Variants in PLAC1 observed in about 807,000 individuals in gnomAD.
The protein encoded by PLAC1 is placenta associated 1.
For synonymous variants in PLAC1, 68 were observed against 62.1 expected (o/e 1.09, Z -0.44); for missense variants, 136 against 163.2 (o/e 0.83, Z 0.91).
At chrX:134,695,488 C>T (rs190744588) in intron 2 of PLAC1, among the ~76,000 whole-genome samples, 1 of 111,787 alleles carries the variant, frequency 8.9e-6, no homozygotes, top group Admixed American at 9.5e-5. Flanking sequence ...AAGACAAAGA[C>T]CAGGAACTCA....
chrX:134,675,653 G>A (rs1303652532), intron 2 of PLAC1, among the ~76,000 whole-genome samples: 15 of 104,162 alleles, frequency 1.4e-4, no homozygotes, highest in Non-Finnish European at 2.0e-4. Flanking sequence ...CAACAAGAGC[G>A]AAACTCCATC....
intron 1 of PLAC1, among the ~76,000 whole-genome samples, chrX:134,643,557 C>T (rs878856329): frequency 9.0e-6 from 1 of 111,524 alleles, no homozygotes; most frequent in Admixed American, 9.5e-5. Context: ...TAGGGTTTAT[C>T]TCAGAAATTC....
intron 1 of PLAC1, among the ~76,000 whole-genome samples, chrX:134,625,959 C>G (rs1232179139): frequency 9.0e-6 from 1 of 111,213 alleles, no homozygotes; most frequent in Non-Finnish European, 1.9e-5. Flanking sequence ...AACTTTCAGG[C>G]TGGTCTCTGG....
rs1249444423 is a variant in PLAC1, at chrX:134,710,056, G to A, written n.174+23379C>T. Among the ~76,000 whole-genome samples, 20 of 111,125 alleles carry A rather than the reference G, an allele frequency of 1.8e-4. No homozygotes were observed. The Admixed American group carries it at 1.9e-3, about 11-fold the overall frequency. ...TAAAGTTAAAGATAAGCCATATAGT[G>A]GGAGAAGACACTTGCCACACATGTA... On this transcript the variant is annotated intron_variant and non_coding_transcript_variant, in intron 2 of 2. Coordinates refer to the PLAC1 transcript ENST00000466797.
chrX:134,660,200 G>A (rs1030886787), upstream of PLAC1, among the ~76,000 whole-genome samples: 6 of 110,211 alleles, frequency 5.4e-5, no homozygotes. Context: ...CGCCTCCTGG[G>A]TTCAAGCGAT....
chrX:134,589,931 C>G, intron 2 of PLAC1, among the ~76,000 whole-genome samples: 1 of 111,097 alleles, frequency 9.0e-6, no homozygotes, highest in Non-Finnish European at 1.9e-5. Context: ...CGCGGTGGCT[C>G]ACGCCTGTAA....
chrX:134,754,885 T>G (rs1399447107), intron 1 of PLAC1, among the ~76,000 whole-genome samples: 1 of 107,058 alleles, frequency 9.3e-6, no homozygotes, highest in Non-Finnish European at 1.9e-5. Context: ...AATGAAACGG[T>G]AGGAAGCAGT....
chrX:134,678,853 T>C (rs1178213820), intron 2 of PLAC1, among the ~76,000 whole-genome samples: 2 of 103,252 alleles, frequency 1.9e-5, no homozygotes, highest in Non-Finnish European at 3.9e-5. Flanking sequence ...ATTATATAGG[T>C]GGCCTCTAAG....
chrX:134,657,734 G>C (rs756310131), intron 1 of PLAC1, among the ~76,000 whole-genome samples: 2 of 111,003 alleles, frequency 1.8e-5, no homozygotes, highest in South Asian at 8.1e-4. Flanking sequence ...TCATGGGAGA[G>C]AATGAGACAA....
chrX:134,684,335 C>CAGG (rs2078508259), intron 2 of PLAC1, among the ~76,000 whole-genome samples: 1 of 106,043 alleles, frequency 9.4e-6, no homozygotes, highest in Admixed American at 1.1e-4. Flanking sequence ...TGGCATCATT[C>CAGG]AGGAAGGAAG....
intron 2 of PLAC1, among the ~76,000 whole-genome samples, chrX:134,691,407 AG>A (rs1487977569): frequency 1.8e-5 from 2 of 111,162 alleles, no homozygotes; most frequent in African/African-American, 6.5e-5. Context: ...AATTCAAGCC[AG>A]GTGTGCTCTG....
At chrX:134,594,616 T>C (rs2078053996) in intron 2 of PLAC1, among the ~76,000 whole-genome samples, 1 of 111,246 alleles carries the variant, frequency 9.0e-6, no homozygotes, top group Admixed American at 9.6e-5. Flanking sequence ...TGTGGTAGTT[T>C]GTGTTTTTCA....
chrX:134,606,217 G>A (rs6654282), intron 1 of PLAC1: 22,977 of 107,317 alleles, frequency 0.21, 2,208 homozygotes, highest in African/African-American at 0.32. Context: ...ACTCCAGCCC[G>A]GGTGACAGAG....
chrX:134,706,993 G>A (rs1488467612), intron 2 of PLAC1, among the ~76,000 whole-genome samples: 1 of 112,112 alleles, frequency 8.9e-6, no homozygotes, highest in Non-Finnish European at 1.9e-5. Context: ...AGGTGAGGCT[G>A]AAGATGTATT....
At chrX:134,732,525 T>C (rs1035899727) in intron 2 of PLAC1, among the ~76,000 whole-genome samples, 2 of 111,301 alleles carry the variant, frequency 1.8e-5, no homozygotes, top group Non-Finnish European at 3.8e-5. Context: ...GTGCCCACGA[T>C]GCTTACCCCA....
chrX:134,591,636 GT>G (rs1467335846), intron 2 of PLAC1, among the ~76,000 whole-genome samples: 5 of 112,652 alleles, frequency 4.4e-5, no homozygotes, highest in Non-Finnish European at 9.4e-5. Flanking sequence ...GTGGACATAA[GT>G]TTTCATTTCT....
At chrX:134,691,071 A>G (rs1288068733) in intron 2 of PLAC1, among the ~76,000 whole-genome samples, 1 of 88,674 alleles carries the variant, frequency 1.1e-5, no homozygotes, top group African/African-American at 4.2e-5. Flanking sequence ...AATAGAAAGG[A>G]GACAAGACTT....
At chrX:134,706,395 A>G (rs1171092740) in intron 2 of PLAC1, among the ~76,000 whole-genome samples, 1 of 112,311 alleles carries the variant, frequency 8.9e-6, no homozygotes, top group African/African-American at 3.2e-5. Flanking sequence ...GTCCATCTCC[A>G]GCTGGCAGTA....
chrX:134,658,133 A>G (rs1420845110), intron 1 of PLAC1, among the ~76,000 whole-genome samples, 195 bp downstream of exon 1: 1 of 112,357 alleles, frequency 8.9e-6, no homozygotes. Flanking sequence ...CCCCCATGTC[A>G]CATTTCCCAG....
Sources: gnomAD v4.1 joint callset for allele counts (sites outside exome capture counted in the v4.1 genomes callset) on GRCh38, gnomAD v4.1.1 for gene constraint, MANE v1.5 for transcripts, NCBI Gene and HGNC (gene_info 2026-07-23, HGNC 2026-07-21) for gene names.